The following NTRK3 variants were observed in gnomAD, a reference collection of about 807,000 sequenced individuals.
NTRK3 encodes NT-3 growth factor receptor.
A neutral mutation model predicts 91.7 loss-of-function variants in NTRK3; 24 were observed. The ratio of observed to expected loss-of-function variants is 0.26; its 90% CI spans 0.19 to 0.37. NTRK3 has a LOEUF of 0.37. Among genes scored for constraint, NTRK3 ranks in the 10% least tolerant of loss-of-function variants. The pLI is 1.00. For synonymous variants in NTRK3, 483 were observed against 404.0 expected (o/e 1.20, Z -2.34); for missense variants, 880 against 1,068.9 (o/e 0.82, Z 2.46).
At chr15:87,883,112 CAT>C (rs2065341497) in intron 17 of NTRK3, among the ~76,000 whole-genome samples, 1 of 101,680 alleles carries the variant, frequency 9.8e-6, no homozygotes, top group Non-Finnish European at 2.6e-5. Flanking sequence ...TGTGCATATA[CAT>C]GTATATATAT....
intron 13 of NTRK3, among the ~76,000 whole-genome samples, chr15:88,087,775 G>A (rs889052601): frequency 6.6e-6 from 1 of 152,218 alleles, no homozygotes; most frequent in Non-Finnish European, 1.5e-5. Flanking sequence ...CTGGCTGGGT[G>A]TGGTGGCTCA....
chr15:87,871,415 A>G (rs2141410549), exon 19 of NTRK3: 1 of 230,518 alleles, frequency 4.3e-6, no homozygotes, highest in South Asian at 1.8e-4. Context: ...GCCTTTCAGA[A>G]AGAGCAATCA....
At chr15:87,946,315 T>C (rs1360595495) in intron 14 of NTRK3, 1 of 152,140 alleles carries the variant, frequency 6.6e-6, no homozygotes, top group East Asian at 1.9e-4. Context: ...CAACTCAAGA[T>C]TGGCATTGAT....
At chr15:87,956,285 G>A (rs1230561783) in intron 14 of NTRK3, among the ~76,000 whole-genome samples, 1 of 152,138 alleles carries the variant, frequency 6.6e-6, no homozygotes, top group Non-Finnish European at 1.5e-5. Flanking sequence ...TTTTGTTGTT[G>A]TTGTTGTTTG....
At chr15:88,247,521 C>G (rs1426195157) in intron 3 of NTRK3, among the ~76,000 whole-genome samples, 1 of 152,150 alleles carries the variant, frequency 6.6e-6, no homozygotes, top group East Asian at 1.9e-4. Context: ...TCCCAGTAGT[C>G]TAGAAAAGGA....
intron 17 of NTRK3, chr15:87,928,877 A>G (rs896854472): frequency 5.4e-6 from 3 of 550,942 alleles, no homozygotes; most frequent in African/African-American, 3.8e-5. Context: ...GGGCACATAC[A>G]TATACATGTA....
At chr15:87,884,546 A>G (rs1322119970) in intron 17 of NTRK3, among the ~76,000 whole-genome samples, 1 of 151,818 alleles carries the variant, frequency 6.6e-6, no homozygotes, top group Non-Finnish European at 1.5e-5. Flanking sequence ...ATATCAACAT[A>G]CATAGTTATC....
intron 17 of NTRK3, among the ~76,000 whole-genome samples, chr15:87,887,141 T>C (rs1567071567): frequency 6.6e-6 from 1 of 152,110 alleles, no homozygotes; most frequent in Non-Finnish European, 1.5e-5. Context: ...GTGTCCTGGG[T>C]GTAAACTGTA....
rs978555393 is a variant in NTRK3, at chr15:87,940,808, A to G, written c.1586-55T>C. 11 of 1,612,770 alleles carry G rather than the reference A, an allele frequency of 6.8e-6. No individual in the cohort carries two copies. The African/African-American group carries it at 1.2e-4, about 18-fold the overall frequency. On this transcript the variant is annotated intron_variant, in intron 14 of 18. Coordinates refer to ENST00000394480, the Ensembl canonical transcript of NTRK3. ...CAAATCAGTCCTCGTTTGGTGACAC[A>G]GGGAGACAGAAGAGTACAGAGGTCT...
chr15:88,159,943 TACACACACACACACACACACACACAC>T (rs59254719), intron 5 of NTRK3, among the ~76,000 whole-genome samples: 8 of 112,048 alleles, frequency 7.1e-5, no homozygotes, highest in South Asian at 7.8e-4. Flanking sequence ...CCCAGCCTCC[TACACACACACACACACACACACACAC>T]ACACACACAC....
chr15:87,914,334 G>T (rs1234831098), intron 17 of NTRK3, among the ~76,000 whole-genome samples: 1 of 152,202 alleles, frequency 6.6e-6, no homozygotes, highest in African/African-American at 2.4e-5. Flanking sequence ...GCAGATGTCA[G>T]ATGTCAGGGC....
At chr15:88,250,176 G>A (rs1290766069) in intron 3 of NTRK3, among the ~76,000 whole-genome samples, 4 of 152,164 alleles carry the variant, frequency 2.6e-5, no homozygotes, top group Non-Finnish European at 5.9e-5. Context: ...ATGTCTGGCT[G>A]AAAGGGCCAC....
chr15:88,063,930 C>T (rs1555488424), intron 13 of NTRK3, among the ~76,000 whole-genome samples: 1 of 152,226 alleles, frequency 6.6e-6, no homozygotes, highest in Non-Finnish European at 1.5e-5. Flanking sequence ...TCCCAAAAGA[C>T]ATATGTCCAC....
intron 13 of NTRK3, among the ~76,000 whole-genome samples, chr15:88,118,554 A>G (rs535195828): frequency 6.6e-6 from 1 of 152,326 alleles, no homozygotes; most frequent in Admixed American, 6.5e-5. Context: ...TGTCACCATG[A>G]TTTTTGGTGA....
Position 88,059,939 on chromosome 15 carries a change from G to A in NTRK3, c.1397-26894C>T, listed in dbSNP as rs114028001. ...AGGCCATGTGAAGATACAATGAGAA[G>A]AGCCCAGAAGAGAGGCATTCGAAGA... On this transcript the variant is annotated intron_variant, in intron 13 of 18. Coordinates refer to ENST00000394480, the Ensembl canonical transcript of NTRK3. 4.5e-3 allele frequency among the ~76,000 whole-genome samples: 688 copies of A among 152,276 alleles called. 3 individuals carry two copies. The highest frequency in any genetic ancestry group is 0.016 in the African/African-American group (670 of 41,560).
intron 17 of NTRK3, among the ~76,000 whole-genome samples, chr15:87,923,467 A>C (rs543585196): frequency 6.6e-6 from 1 of 152,322 alleles, no homozygotes; most frequent in South Asian, 2.1e-4. Context: ...CATGAGCCTG[A>C]ATGATGGTGT....
rs1434105549 is a variant in NTRK3 at position 88,255,998 on chromosome 15, G to C, written c.156C>G (p.Asn52Lys). The stretch of plus-strand genomic sequence containing the variant: ...CCTGCCCTTCCAGGAGGGGGAAGAG[G>C]TTCCCATCGTCCGGCCGCCGGCAAT... The change falls in exon 3 of 19, where the codon AAC becomes AAG. Residue 52 changes from asparagine to lysine, a missense_variant. Asn to Lys is a moderately conservative substitution (Grantham distance 94). Transcript: ENST00000394480. This position sits in a 1 kb window ranked among gnomAD's most constrained non-coding sequence, Gnocchi z 4.3. The C allele has an allele frequency of 6.2e-7, 1 of 1,613,538 alleles. No homozygotes were observed. The highest frequency in any genetic ancestry group is 8.5e-7 in the Non-Finnish European group (1 of 1,179,830).
intron 14 of NTRK3, among the ~76,000 whole-genome samples, chr15:87,964,614 A>G (rs573702407): frequency 1.3e-4 from 20 of 152,144 alleles, no homozygotes; most frequent in Non-Finnish European, 2.6e-4. Flanking sequence ...TCATCACCCC[A>G]ACAAGAACCC....
At chr15:88,026,672 G>A (rs992078813) in intron 14 of NTRK3, among the ~76,000 whole-genome samples, 6 of 152,266 alleles carry the variant, frequency 3.9e-5, no homozygotes, top group African/African-American at 1.4e-4. Flanking sequence ...TTCACCAATT[G>A]CAACTAATAT....
Sources: gnomAD v4.1 joint callset for allele counts (sites outside exome capture counted in the v4.1 genomes callset) on GRCh38, gnomAD v4.1.1 for gene constraint, Gnocchi (gnomAD v3.1) non-coding constraint, MANE v1.5 for transcripts, NCBI Gene and HGNC (gene_info 2026-07-23, HGNC 2026-07-21) for gene names.